PRKCA: variants seen among roughly 807,000 people sequenced by gnomAD.
The protein encoded by PRKCA is protein kinase C alpha.
Under a neutral mutation model 87.0 loss-of-function variants are expected in PRKCA, and 27 were observed. The ratio of observed to expected loss-of-function variants is 0.31; its 90% CI spans 0.23 to 0.43. The LOEUF (loss-of-function observed/expected upper bound fraction) is 0.43. Ranked by LOEUF, PRKCA falls within the 20% of genes least tolerant of loss-of-function variation. The pLI is 1.00. For missense variants in PRKCA, 518 were observed against 852.3 expected, an observed-to-expected ratio of 0.61 and a Z score of 4.88; for synonymous variants, 329 against 311.1, an observed-to-expected ratio of 1.06 and a Z score of -0.61.
intron 2 of PRKCA, among the ~76,000 whole-genome samples, chr17:66,424,333 G>A (rs1038666941): frequency 6.6e-6 from 1 of 152,060 alleles, no homozygotes; most frequent in African/African-American, 2.4e-5. Context: ...CAGCACTTTG[G>A]GAGGCCGAGG....
chr17:66,579,531 C>T (rs142725616), intron 3 of PRKCA, among the ~76,000 whole-genome samples: 1 of 152,286 alleles, frequency 6.6e-6, no homozygotes, highest in Non-Finnish European at 1.5e-5. Context: ...GTGCTTTTAC[C>T]ATCCCCACTG....
At position 66,377,721 on chromosome 17, in the gene PRKCA, A is replaced by ATTTTTTTT. The variant is rs1229084236; in HGVS notation, c.205+71608_205+71615dup. 1.6e-4 allele frequency among the ~76,000 whole-genome samples: 11 copies of ATTTTTTTT among 69,146 alleles called. 1 individual carries two copies. The highest frequency in any genetic ancestry group is 2.8e-4 in the Admixed American group (1 of 3,570). 45.4% of individuals were successfully genotyped at this position (69,146 alleles called of 152,430 possible). On this transcript the variant is annotated intron_variant, in intron 2 of 16. Transcript: ENST00000413366. The stretch of plus-strand genomic sequence containing the variant: ...ATGTTTTATATATATATATATATAT[A>ATTTTTTTT]TTTTTTTTTTTTTTTTTTTTTGAGG...
intron 5 of PRKCA, among the ~76,000 whole-genome samples, chr17:66,658,060 G>T (rs1971783844): frequency 6.6e-6 from 1 of 152,200 alleles, no homozygotes; most frequent in Admixed American, 6.5e-5. Flanking sequence ...CAGTTCTGCA[G>T]GGCTGGGGAG....
At chr17:66,331,175 G>A (rs1002924728) in intron 2 of PRKCA, among the ~76,000 whole-genome samples, 1 of 152,126 alleles carries the variant, frequency 6.6e-6, no homozygotes, top group African/African-American at 2.4e-5. Context: ...TGGGGATGTG[G>A]CTGTCTTAGC....
intron 5 of PRKCA, among the ~76,000 whole-genome samples, chr17:66,657,060 C>A (rs1971754234): frequency 6.6e-6 from 1 of 152,180 alleles, no homozygotes; most frequent in South Asian, 2.1e-4. Context: ...GTAGGCGTTT[C>A]CAATTGGAAA....
At chr17:66,659,486 C>T (rs916694963) in intron 5 of PRKCA, among the ~76,000 whole-genome samples, 1 of 152,084 alleles carries the variant, frequency 6.6e-6, no homozygotes, top group Admixed American at 6.6e-5. Context: ...GAGGCGGAAG[C>T]AGAAGATCCC....
At chr17:66,454,710 T>C (rs1212249372) in intron 2 of PRKCA, among the ~76,000 whole-genome samples, 1 of 152,160 alleles carries the variant, frequency 6.6e-6, no homozygotes, top group Admixed American at 6.5e-5. Context: ...ACGAGAACAG[T>C]CCACCATGAT....
At chr17:66,305,469 A>G (rs1598578174) in intron 1 of PRKCA, among the ~76,000 whole-genome samples, 1 of 152,250 alleles carries the variant, frequency 6.6e-6, no homozygotes. Context: ...CTCTAAAGTC[A>G]TGTACAAGAA....
At chr17:66,400,713 T>C (rs1193189354) in intron 2 of PRKCA, among the ~76,000 whole-genome samples, 2 of 152,240 alleles carry the variant, frequency 1.3e-5, no homozygotes, top group Admixed American at 6.5e-5. Flanking sequence ...TCCATTGTGG[T>C]TACAACCATT....
At chr17:66,374,558 G>A (rs1258529343) in intron 2 of PRKCA, among the ~76,000 whole-genome samples, 7 of 152,034 alleles carry the variant, frequency 4.6e-5, no homozygotes, top group Non-Finnish European at 8.8e-5. Flanking sequence ...GCAGCCCCCT[G>A]AATTAATTAA....
intron 3 of PRKCA, among the ~76,000 whole-genome samples, chr17:66,509,327 C>T (rs1917123143): frequency 6.6e-6 from 1 of 152,054 alleles, no homozygotes; most frequent in African/African-American, 2.4e-5. Context: ...TAGCACCAGT[C>T]TGATTCTGAA....
At position 66,682,660 on chromosome 17, in the gene PRKCA, A is replaced by T. The variant is rs76392313; in HGVS notation, c.530-4451A>T. 1.6e-3 allele frequency among the ~76,000 whole-genome samples: 238 copies of T among 151,934 alleles called. 1 individual carries two copies. Among genetic ancestry groups the T allele is most frequent in the Non-Finnish European group, 2.5e-3 (172 of 67,922 alleles). ...GTTGAGTTGGCATGATAGATCTTTT[A>T]AAAAAAAACTCATTTTCAATAGTGT... On this transcript the variant is annotated intron_variant, in intron 5 of 16. Transcript: ENST00000413366.
At chr17:66,710,202 T>C (rs1973289107) in intron 8 of PRKCA, among the ~76,000 whole-genome samples, 3 of 152,006 alleles carry the variant, frequency 2.0e-5, no homozygotes, top group Admixed American at 1.3e-4. Context: ...AAATGAGACC[T>C]GCACCTGGGG....
At chr17:66,549,295 T>C (rs1296589546) in intron 3 of PRKCA, among the ~76,000 whole-genome samples, 6 of 152,066 alleles carry the variant, frequency 3.9e-5, no homozygotes, top group Non-Finnish European at 1.5e-5. Flanking sequence ...GCATGCTCAG[T>C]CCTTCGTCCA....
chr17:66,434,007 G>C (rs1329671455), intron 2 of PRKCA, among the ~76,000 whole-genome samples: 2 of 152,102 alleles, frequency 1.3e-5, no homozygotes, highest in African/African-American at 4.8e-5. Context: ...AGGGCGCACG[G>C]AGGTGAATCT....
chr17:66,630,861 G>A (rs1051955751), intron 3 of PRKCA, among the ~76,000 whole-genome samples: 33 of 152,198 alleles, frequency 2.2e-4, no homozygotes, highest in African/African-American at 8.0e-4. Context: ...TAAAATGGCA[G>A]TAGATACTAA....
chr17:66,388,960 A>T (rs1245717664), intron 2 of PRKCA, among the ~76,000 whole-genome samples: 1 of 152,138 alleles, frequency 6.6e-6, no homozygotes. Flanking sequence ...ACACATAGAG[A>T]TGTGGAAGGA....
chr17:66,765,447 T>TATAG (rs1568021034), intron 13 of PRKCA, among the ~76,000 whole-genome samples: 5 of 139,648 alleles, frequency 3.6e-5, no homozygotes, highest in Non-Finnish European at 7.7e-5. Flanking sequence ...TATATATATA[T>TATAG]ATATATATCC....
chr17:66,528,864 G>A (rs1490310786), intron 3 of PRKCA, among the ~76,000 whole-genome samples: 2 of 152,170 alleles, frequency 1.3e-5, no homozygotes, highest in Non-Finnish European at 2.9e-5. Flanking sequence ...TACTTTGGTT[G>A]GTTAAGACTA....
Sources: allele counts gnomAD v4.1 joint callset (sites outside exome capture counted in the v4.1 genomes callset), GRCh38; gene constraint gnomAD v4.1.1; transcripts MANE v1.5; gene names NCBI Gene and HGNC (gene_info 2026-07-23, HGNC 2026-07-21).